ELF4: variants seen among roughly 807,000 people sequenced by gnomAD.
ELF4 encodes ETS-related transcription factor Elf-4.
In ELF4, 10 loss-of-function variants were observed where a neutral mutation model predicts 31.7. The observed-to-expected ratio is 0.32, with a 90% CI of 0.19 to 0.54. The LOEUF is 0.54. Among genes scored for constraint, ELF4 ranks in the 20% least tolerant of loss-of-function variants. The pLI is 0.95. For synonymous variants in ELF4, 208 were observed against 226.7 expected, an observed-to-expected ratio of 0.92 and a Z score of 0.74; for missense variants, 418 against 522.0, an observed-to-expected ratio of 0.80 and a Z score of 1.94.
Position 130,066,726 on chromosome X carries a change from T to G in ELF4, c.1987A>C (p.Ile663Leu), listed in dbSNP as rs1932680708. Residue 663 changes from isoleucine (I) to leucine (L), a missense_variant, in exon 9 of 9, where the codon ATA becomes CTA. By Grantham distance (5) the Ile-to-Leu change is conservative. Transcript: ENST00000308167. ...TSLIKMEPHD[I>L] is the part of the protein sequence containing the mutation. ...ACTTGCCCTGACCCCTTTGCTTATATGTCATGGGGCTCCATCTTAATGAGG... is the reference window on the plus strand; with the variant it reads ...ACTTGCCCTGACCCCTTTGCTTATAGGTCATGGGGCTCCATCTTAATGAGG... The G allele has an allele frequency of 8.3e-7, 1 of 1,207,954 alleles. No homozygotes were observed. The highest frequency in any genetic ancestry group is 1.8e-5 in the African/African-American group (1 of 57,068).
Position 130,065,749 on chromosome X carries a change from C to T in ELF4, c.*972G>A. ...ATTGTCTGGCGGGGGGCCGGTATCACACAAACAGCCCAAGCCCTAGGCACA... is the reference window on the plus strand; with the variant it reads ...ATTGTCTGGCGGGGGGCCGGTATCATACAAACAGCCCAAGCCCTAGGCACA... On this transcript the variant is annotated 3_prime_UTR_variant, in exon 9 of 9. Coordinates refer to ENST00000308167, the MANE Select transcript of ELF4 (RefSeq NM_001421.4). The T allele has an allele frequency of 5.7e-6, 1 of 175,966 alleles. No homozygotes were observed. Among genetic ancestry groups the T allele is most frequent in the South Asian group, 3.0e-4 (1 of 3,383 alleles). 14.5% of individuals were successfully genotyped at this position (175,966 alleles called of 1,213,427 possible). A position where few individuals can be genotyped will look rare whatever the true frequency, so the allele number is the denominator to read the frequency against.
Position 130,099,410 on chromosome X carries a change from C to T in ELF4, c.-210+10915G>A, listed in dbSNP as rs772070956. Among the ~76,000 whole-genome samples the T allele has an allele frequency of 1.7e-4, 19 of 110,945 alleles. No homozygotes were observed. The South Asian group carries it at 6.6e-3, about 38-fold the overall frequency. On this transcript the variant is annotated intron_variant, in intron 1 of 8. Coordinates refer to ENST00000308167, the MANE Select transcript of ELF4 (RefSeq NM_001421.4). ...CTAACATGGTGAAACCCCGTCTCTA[C>T]TAAAAATACAAAAATTATCTGGGTG...
Position 130,072,210 on chromosome X carries a change from A to G in ELF4, c.532+16T>C. The stretch of plus-strand genomic sequence containing the variant: ...TCCCCTCGGAGACACACATACACTC[A>G]CTCTCCCCCACTTACTTCTCTTCTT... On this transcript the variant is annotated intron_variant, in intron 5 of 8. Transcript: ENST00000308167. 1 of 1,201,289 alleles carries G rather than the reference A, an allele frequency of 8.3e-7. No individual in the cohort carries two copies. Among genetic ancestry groups the G allele is most frequent in the Non-Finnish European group, 1.1e-6 (1 of 889,882 alleles).
At chrX:130,070,701 A>G (rs1932777332) in intron 7 of ELF4, among the ~76,000 whole-genome samples, 1 of 97,057 alleles carries the variant, frequency 1.0e-5, no homozygotes, top group Non-Finnish European at 2.0e-5. Context: ...GAACCCAGGC[A>G]GTGCAGGTTG....
At position 130,071,186 on chromosome X, in the gene ELF4, G is replaced by A. The variant is rs201194181; in HGVS notation, c.663C>T (p.Asp221=). The A allele has an allele frequency of 8.3e-7, 1 of 1,211,794 alleles. No homozygotes were observed. The highest frequency in any genetic ancestry group is 2.2e-5 in the Admixed American group (1 of 46,078). The change falls in exon 7 of 9, where the codon GAC becomes GAT. Residue 221 remains aspartate, a synonymous_variant. Coordinates refer to ENST00000308167, the MANE Select transcript of ELF4 (RefSeq NM_001421.4). ...TGATGTACTTGGGACAGGTGTTTCT[G>A]TCTTGCAGAAGAGCCAGGAGGAACT... ...LWEFLLALLQ[D]RNTCPKYIKW...
At chrX:130,087,134 G>A (rs1022599162) in intron 1 of ELF4, among the ~76,000 whole-genome samples, 4 of 112,821 alleles carry the variant, frequency 3.5e-5, no homozygotes, top group African/African-American at 3.2e-5. Context: ...AAGTGCCTGC[G>A]GCCACCACAT....
At chrX:130,102,533 G>C (rs187123164) in intron 1 of ELF4, among the ~76,000 whole-genome samples, 1 of 110,743 alleles carries the variant, frequency 9.0e-6, no homozygotes, top group African/African-American at 3.3e-5. Context: ...GAAAAAAAAG[G>C]CTGGGTGCAG....
chrX:130,088,160 G>A (rs374249655), intron 1 of ELF4, among the ~76,000 whole-genome samples: 11 of 111,060 alleles, frequency 9.9e-5, no homozygotes, highest in Non-Finnish European at 9.4e-5. Flanking sequence ...CTCAGGAGGC[G>A]GAGGTTGCAG....
rs373568641 is a variant in ELF4 at position 130,069,382 on chromosome X, A to G, written c.1105T>C (p.Ser369Pro). The change falls in exon 8 of 9, where the codon TCG becomes CCG. Residue 369 changes from serine (S) to proline (P), a missense_variant. Physicochemically the swap from Ser to Pro is moderately conservative, Grantham distance 74. Around this residue, in one of 4 missense-constraint regions of ELF4, gnomAD observed 260 missense variants for 269.2 expected, o/e 0.97. Coordinates refer to ENST00000308167, the MANE Select transcript of ELF4 (RefSeq NM_001421.4). ...GTAGTGGGGATCTCCTCGTCTAGCG[A>G]CGGTCCCAATTCCAGACTCGCAGAT... ...QPSASLELGP[S>P]LDEEIPTTST... The G allele has an allele frequency of 6.2e-5, 75 of 1,210,623 alleles. No homozygotes were observed. Among genetic ancestry groups the G allele is most frequent in the Non-Finnish European group, 7.9e-5 (71 of 895,298 alleles).
intron 2 of ELF4, among the ~76,000 whole-genome samples, chrX:130,076,454 CAG>C (rs1194506419): frequency 8.9e-6 from 1 of 112,153 alleles, no homozygotes; most frequent in Non-Finnish European, 1.9e-5. Context: ...TTTTCTGAGA[CAG>C]AGTCTGGCTC....
Position 130,064,005 on chromosome X carries a change from A to ATTATTATTATTATTAT in ELF4, c.*2715_*2716insATAATAATAATAATAA, listed in dbSNP as rs1314805728. Among the ~76,000 whole-genome samples, 11 of 104,535 alleles carry ATTATTATTATTATTAT rather than the reference A, an allele frequency of 1.1e-4. No homozygotes were observed. The East Asian group carries it at 2.1e-3, about 20-fold the overall frequency. 90.8% of individuals were successfully genotyped at this position (104,535 alleles called of 115,157 possible). A position where few individuals can be genotyped will look rare whatever the true frequency, so the allele number is the denominator to read the frequency against. Reference sequence around the variant, plus strand: ...TATTATTATTATTATTATTATTATTATTATTATACTTTAAGTTCTGGGATA... The same window carrying ATTATTATTATTATTAT: ...TATTATTATTATTATTATTATTATTATTATTATTATTATTATTTATTATACTTTAAGTTCTGGGATA... On this transcript the variant is annotated 3_prime_UTR_variant, in exon 9 of 9. Transcript: ENST00000308167.
At position 130,064,568 on chromosome X, in the gene ELF4, C is replaced by T. The variant is rs750757206; in HGVS notation, c.*2153G>A. ...CTTAAGAGAAAGGTTGGGACTGGAGCTCTAGATTTAGGACCCATCTCCGAG... is the reference window on the plus strand; with the variant it reads ...CTTAAGAGAAAGGTTGGGACTGGAGTTCTAGATTTAGGACCCATCTCCGAG... On this transcript the variant is annotated 3_prime_UTR_variant, in exon 9 of 9. Coordinates refer to ENST00000308167, the MANE Select transcript of ELF4 (RefSeq NM_001421.4). Among the ~76,000 whole-genome samples the T allele has an allele frequency of 5.4e-5, 6 of 112,139 alleles. No individual in the cohort carries two copies. The highest frequency in any genetic ancestry group is 1.1e-4 in the Non-Finnish European group (6 of 53,203).
chrX:130,087,853 T>C (rs778770003), intron 1 of ELF4, among the ~76,000 whole-genome samples: 2 of 111,559 alleles, frequency 1.8e-5, no homozygotes, highest in African/African-American at 3.3e-5. Context: ...TACCTAGATA[T>C]AGAGGAAGAA....
Position 130,065,248 on chromosome X carries a change from G to A in ELF4, c.*1473C>T, listed in dbSNP as rs749435984. On this transcript the variant is annotated 3_prime_UTR_variant, in exon 9 of 9. Coordinates refer to ENST00000308167, the MANE Select transcript of ELF4 (RefSeq NM_001421.4). ...TTTCTTAGCCTTGCCCTCAAACTTGGCAGGAGGGAGGCAAGCTCGTTTAAA... is the reference window on the plus strand; with the variant it reads ...TTTCTTAGCCTTGCCCTCAAACTTGACAGGAGGGAGGCAAGCTCGTTTAAA... 1.6e-4 allele frequency: 28 copies of A among 173,973 alleles called. 1 individual carries two copies. The highest frequency in any genetic ancestry group is 7.4e-4 in the African/African-American group (25 of 33,901). 14.3% of individuals were successfully genotyped at this position (173,973 alleles called of 1,213,427 possible).
At chrX:130,072,524 C>T in intron 4 of ELF4, 107 bp from the exon 5 acceptor site, 1 of 804,686 alleles carries the variant, frequency 1.2e-6, no homozygotes. Flanking sequence ...GGGGCTCATC[C>T]CCCCAGCCCC....
In ELF4 at chrX:130,067,218, G is replaced by A. The variant is rs954660673; in HGVS notation, c.1495C>T (p.Pro499Ser). The A allele has an allele frequency of 1.7e-6, 2 of 1,211,723 alleles. No homozygotes were observed. The highest frequency in any genetic ancestry group is 2.2e-6 in the Non-Finnish European group (2 of 895,200). ...LLAGANRPTN[P>S]APPTVTGAGP... Reference sequence around the variant, plus strand: ...GCCCCTGTGACCGTGGGTGGCGCCGGGTTGGTCGGACGGTTGGCCCCAGCC... The same window carrying A: ...GCCCCTGTGACCGTGGGTGGCGCCGAGTTGGTCGGACGGTTGGCCCCAGCC... Residue 499 changes from proline to serine, a missense_variant, in exon 9 of 9, where the codon CCG becomes TCG. Around this residue, in one of 4 missense-constraint regions of ELF4, gnomAD observed 260 missense variants for 269.2 expected, o/e 0.97. Coordinates refer to ENST00000308167, the MANE Select transcript of ELF4 (RefSeq NM_001421.4).
At position 130,072,170 on chromosome X, in the gene ELF4, C is replaced by T; in HGVS notation, c.532+56G>A. ...CACATCCATGAGCCCTGACCGCCCCCCCACGCCCCGCCCATCCCCTCGGAG... is the reference window on the plus strand; with the variant it reads ...CACATCCATGAGCCCTGACCGCCCCTCCACGCCCCGCCCATCCCCTCGGAG... On this transcript the variant is annotated intron_variant, in intron 5 of 8. Coordinates refer to ENST00000308167, the MANE Select transcript of ELF4 (RefSeq NM_001421.4). 7.9e-6 allele frequency: 9 copies of T among 1,144,487 alleles called. No individual in the cohort carries two copies. In the South Asian group the frequency reaches 1.6e-4, roughly 21 times the overall value. 94.3% of individuals were successfully genotyped at this position (1,144,487 alleles called of 1,213,427 possible).
intron 7 of ELF4, 144 bp downstream of exon 7, chrX:130,070,896 T>C (rs1932781744): frequency 1.7e-5 from 14 of 844,590 alleles, no homozygotes; most frequent in Non-Finnish European, 2.2e-5. Flanking sequence ...GGAACAGACA[T>C]AGGAGCAAGC....
intron 1 of ELF4, among the ~76,000 whole-genome samples, chrX:130,088,249 T>A (rs1319844818): frequency 9.4e-6 from 1 of 106,551 alleles, no homozygotes; most frequent in Non-Finnish European, 1.9e-5. Flanking sequence ...AATAAATAAA[T>A]AAAATAAGAG....
Sources: allele counts gnomAD v4.1 joint callset (sites outside exome capture counted in the v4.1 genomes callset), GRCh38; gene constraint gnomAD v4.1.1; regional missense constraint gnomAD v4.1.1; transcripts MANE v1.5; gene names NCBI Gene and HGNC (gene_info 2026-07-23, HGNC 2026-07-21).